The following GPR155 variants were observed in gnomAD, a reference collection of about 807,000 sequenced individuals.
GPR155 encodes lysosomal cholesterol signaling protein.
In GPR155, 65 loss-of-function variants were observed where a neutral mutation model predicts 93.1. The observed-to-expected ratio is 0.70, with a 90% CI of 0.57 to 0.86. The LOEUF is 0.86. Ranked by LOEUF, GPR155 falls within the 40% of genes least tolerant of loss-of-function variation. The pLI, the probability that GPR155 is intolerant of heterozygous loss-of-function variation, is 0.00. For missense variants in GPR155, 838 were observed against 1,034.8 expected (o/e 0.81, Z 2.61); for synonymous variants, 319 against 360.1 (o/e 0.89, Z 1.29).
intron 11 of GPR155, 68 bp downstream of exon 11, chr2:174,453,659 CAAAAAAAAGA>C (rs1469136678): frequency 3.9e-5 from 17 of 431,626 alleles, no homozygotes; most frequent in African/African-American, 1.8e-4. Context: ...GACTCCGTCT[CAAAAAAAAGA>C]AAAAAAAAAA....
intron 11 of GPR155, among the ~76,000 whole-genome samples, chr2:174,451,183 A>C (rs1687305843): frequency 1.3e-5 from 2 of 151,938 alleles, no homozygotes; most frequent in Admixed American, 1.3e-4. Flanking sequence ...GTGTGGTGGC[A>C]GGTGCCTGTA....
chr2:174,471,916 T>A (rs962416402), intron 3 of GPR155, among the ~76,000 whole-genome samples: 1 of 152,242 alleles, frequency 6.6e-6, no homozygotes, highest in African/African-American at 2.4e-5. Context: ...TCAGTACTTA[T>A]ATTCATTTTT....
chr2:174,477,342 C>T (rs538573905), intron 2 of GPR155, among the ~76,000 whole-genome samples: 3 of 151,998 alleles, frequency 2.0e-5, no homozygotes, highest in Non-Finnish European at 4.4e-5. Context: ...CAGCAATTTT[C>T]AAGAATATGT....
At chr2:174,446,589 CA>C (rs1363193730) in intron 12 of GPR155, 21 bp downstream of exon 12, 1 of 1,586,960 alleles carries the variant, frequency 6.3e-7, no homozygotes, top group Non-Finnish European at 8.5e-7. Context: ...GGCCCCAAAA[CA>C]AAACCAGAAA....
chr2:174,445,316 G>T, intron 12 of GPR155, 140 bp from the exon 13 acceptor site: 1 of 578,856 alleles, frequency 1.7e-6, no homozygotes, highest in Non-Finnish European at 3.0e-6. Flanking sequence ...AGAATATAGA[G>T]GCTTTATCTT....
In GPR155 at chr2:174,446,636, A is replaced by G. The variant is rs752859102; in HGVS notation, c.1988T>C (p.Leu663Ser). Reference protein sequence around the residue: ...QQLTRHVLLCLLLIIGLFANL... With the variant: ...QQLTRHVLLCSLLIIGLFANL... Reference sequence around the variant, plus strand: ...AGCGAACAGGCCAATGATGAGAAGTAAACACAGCAACACATGTCGGGTCAG... The same window carrying G: ...AGCGAACAGGCCAATGATGAGAAGTGAACACAGCAACACATGTCGGGTCAG... Residue 663 changes from leucine (L) to serine (S), a missense_variant, in exon 12 of 16, where the codon TTA becomes TCA. This residue lies in a region of GPR155 where 663 missense variants were observed against 790.1 expected (regional missense o/e 0.84). Transcript: ENST00000392552. 6.2e-7 allele frequency: 1 copy of G among 1,614,064 alleles called. No individual in the cohort carries two copies.
chr2:174,477,051 A>G (rs1688187488), intron 2 of GPR155, among the ~76,000 whole-genome samples: 1 of 152,234 alleles, frequency 6.6e-6, no homozygotes, highest in Admixed American at 6.5e-5. Context: ...GAACACATCA[A>G]TGAACATCAA....
intron 1 of GPR155, among the ~76,000 whole-genome samples, chr2:174,484,780 T>G (rs1688426458): frequency 6.6e-6 from 1 of 152,052 alleles, no homozygotes; most frequent in Non-Finnish European, 1.5e-5. Flanking sequence ...AAAAATTAGC[T>G]GAGCTTAGTC....
In GPR155 at chr2:174,441,416, A is replaced by T. The variant is rs181008808; in HGVS notation, c.2174+703T>A. ...ATCAAATTAAAATATATATATATTT[A>T]AAAAATTTTTTTTAATTTTTATTTT... On this transcript the variant is annotated intron_variant, in intron 14 of 15. Transcript: ENST00000392552. Among the ~76,000 whole-genome samples, 538 of 151,424 alleles carry T rather than the reference A, an allele frequency of 3.6e-3. 2 individuals are homozygous for T. The highest frequency in any genetic ancestry group is 0.017 in the Middle Eastern group (5 of 294).
intron 7 of GPR155, among the ~76,000 whole-genome samples, chr2:174,464,134 C>A (rs1013329015): frequency 5.3e-5 from 8 of 152,176 alleles, no homozygotes; most frequent in Non-Finnish European, 1.0e-4. Flanking sequence ...GCTGTGAGAG[C>A]TCCTGCCTAA....
At position 174,432,353 on chromosome 2, in the gene GPR155, T is replaced by C. The variant is rs1686663130; in HGVS notation, c.*3763A>G. 1 of 152,672 alleles carries C rather than the reference T, an allele frequency of 6.5e-6. No homozygotes were observed. The highest frequency in any genetic ancestry group is 2.4e-5 in the African/African-American group (1 of 41,454). The allele number at this position is 152,672 out of a possible 1,614,324, so 9.5% of individuals were successfully genotyped here. ...TATTTTTAATTCTAAAAATGTCTCT[T>C]AAAAGCCTTTATTATCTGAAACTGC... On this transcript the variant is annotated 3_prime_UTR_variant, in exon 16 of 16. Transcript: ENST00000392552.
At chr2:174,436,773 T>C (rs976003717) in intron 15 of GPR155, among the ~76,000 whole-genome samples, 1 of 152,270 alleles carries the variant, frequency 6.6e-6, no homozygotes, top group Non-Finnish European at 1.5e-5. Flanking sequence ...AATTTATACT[T>C]TTAGTTATAC....
intron 11 of GPR155, among the ~76,000 whole-genome samples, chr2:174,447,326 T>TA (rs889187651): frequency 4.1e-5 from 6 of 146,920 alleles, no homozygotes; most frequent in East Asian, 2.0e-4. Flanking sequence ...CAAAAAAAAT[T>TA]AAAAAAAATA....
In GPR155 at chr2:174,446,689, T is replaced by C; in HGVS notation, c.1935A>G (p.Glu645=). Reference sequence around the variant, plus strand: ...GCTGGTCTCCACTCTGTAGATACTGTTCTTCTTCCTGGGCTAATATGCAGC... The same window carrying C: ...GCTGGTCTCCACTCTGTAGATACTGCTCTTCTTCCTGGGCTAATATGCAGC... ...SQSCILAQEE[E]QYLQSGDQQL... Residue 645 remains glutamate, a synonymous_variant, in exon 12 of 16, where the codon GAA becomes GAG. Transcript: ENST00000392552. The C allele has an allele frequency of 1.2e-6, 2 of 1,613,880 alleles. No homozygotes were observed. Among genetic ancestry groups the C allele is most frequent in the Non-Finnish European group, 1.7e-6 (2 of 1,179,774 alleles).
chr2:174,449,370 A>G (rs563756821), intron 11 of GPR155, among the ~76,000 whole-genome samples: 1 of 152,330 alleles, frequency 6.6e-6, no homozygotes, highest in Non-Finnish European at 1.5e-5. Context: ...CAGCAATCCC[A>G]TTACTGGGTA....
At chr2:174,471,567 C>G (rs926841306) in intron 3 of GPR155, among the ~76,000 whole-genome samples, 12 of 148,890 alleles carry the variant, frequency 8.1e-5, no homozygotes, top group Admixed American at 8.0e-4. Context: ...AATTATTAAA[C>G]AAATTTTTCA....
In GPR155 at chr2:174,469,063, G is replaced by A; in HGVS notation, c.1031C>T (p.Thr344Ile). 6.2e-7 allele frequency: 1 copy of A among 1,613,134 alleles called. No individual in the cohort carries two copies. The highest frequency in any genetic ancestry group is 8.5e-7 in the Non-Finnish European group (1 of 1,179,416). ...AAATGTGCTTATCACCATCCCTGAGGTTATCTGCAAAAATGAAATCAAACA... is the reference window on the plus strand; with the variant it reads ...AAATGTGCTTATCACCATCCCTGAGATTATCTGCAAAAATGAAATCAAACA... ...TQFNMEVEIITSGMVISTFVS... is the reference protein window; with the variant it reads ...TQFNMEVEIIISGMVISTFVS... Residue 344 changes from threonine (T) to isoleucine (I), a missense_variant, in exon 5 of 16, where the codon ACC (threonine) becomes ATC (isoleucine). By Grantham distance (89) the Thr-to-Ile change is moderately conservative (BLOSUM62 -1). Transcript: ENST00000392552.
At chr2:174,478,243 A>AT (rs1006124999) in intron 2 of GPR155, among the ~76,000 whole-genome samples, 1 of 152,076 alleles carries the variant, frequency 6.6e-6, no homozygotes, top group Admixed American at 6.6e-5. Flanking sequence ...TTTTATTTTT[A>AT]TTTTTTGAGA....
At chr2:174,455,443 A>T (rs1020263051) in intron 10 of GPR155, among the ~76,000 whole-genome samples, 3 of 152,194 alleles carry the variant, frequency 2.0e-5, no homozygotes, top group Non-Finnish European at 2.9e-5. Flanking sequence ...CATCACGGGC[A>T]CTGCAAGGCC....
Sources: allele counts gnomAD v4.1 joint callset (sites outside exome capture counted in the v4.1 genomes callset), GRCh38; gene constraint gnomAD v4.1.1; regional missense constraint gnomAD v4.1.1; transcripts MANE v1.5; gene names NCBI Gene and HGNC (gene_info 2026-07-23, HGNC 2026-07-21).